The following CNTNAP2 variants were observed in gnomAD, a reference collection of about 807,000 sequenced individuals.
The protein encoded by CNTNAP2 is contactin-associated protein-like 2.
In CNTNAP2, 98 loss-of-function variants were observed where a neutral mutation model predicts 155.2. That is an observed-to-expected ratio of 0.63 (90% confidence interval 0.54 to 0.75). The LOEUF (loss-of-function observed/expected upper bound fraction) is 0.75, where lower values mean the gene tolerates loss of function less well. CNTNAP2 is among the 30% of genes least tolerant of loss of function. The pLI is 0.00. For synonymous variants in CNTNAP2, 651 were observed against 631.2 expected (o/e 1.03, Z -0.47); for missense variants, 1,727 against 1,688.1 (o/e 1.02, Z -0.40).
Position 146,611,131 on chromosome 7 carries a change from G to T in CNTNAP2, c.98-163140G>T, listed in dbSNP as rs1370137298. 3.9e-5 allele frequency among the ~76,000 whole-genome samples: 6 copies of T among 152,242 alleles called. No individual in the cohort carries two copies. In the East Asian group the frequency reaches 1.2e-3, roughly 29 times the overall value. Reference sequence around the variant, plus strand: ...TTTACTTATTTCATTTTTGAGATAAGGCCTCGCTCTGTCGCCAAGGCTGGG... The same window carrying T: ...TTTACTTATTTCATTTTTGAGATAATGCCTCGCTCTGTCGCCAAGGCTGGG... On this transcript the variant is annotated intron_variant, in intron 1 of 23. Transcript: ENST00000361727.
At chr7:147,681,476 A>C (rs1245050177) in intron 13 of CNTNAP2, among the ~76,000 whole-genome samples, 1 of 151,864 alleles carries the variant, frequency 6.6e-6, no homozygotes, top group Admixed American at 6.6e-5. Context: ...TTGGTCTAGG[A>C]GAAAAGTTTT....
chr7:147,714,574 T>A (rs139268246), intron 13 of CNTNAP2, among the ~76,000 whole-genome samples: 2,508 of 152,212 alleles, frequency 0.016, 225 homozygotes, highest in Admixed American at 0.15. Context: ...GGAGTTTTTT[T>A]GAGTGAATAA....
chr7:147,364,943 T>A (rs1408999192), intron 9 of CNTNAP2, among the ~76,000 whole-genome samples: 2 of 151,978 alleles, frequency 1.3e-5, no homozygotes, highest in Non-Finnish European at 2.9e-5. Context: ...GAACAAAGAG[T>A]TTATAAAAGA....
intron 4 of CNTNAP2, among the ~76,000 whole-genome samples, chr7:147,051,286 T>G (rs1799469644): frequency 6.6e-6 from 1 of 151,600 alleles, no homozygotes; most frequent in Admixed American, 6.6e-5. Flanking sequence ...TGTGTGTTCC[T>G]ACTTAAATTA....
At chr7:146,735,918 A>G (rs1199175892) in intron 1 of CNTNAP2, among the ~76,000 whole-genome samples, 1 of 152,142 alleles carries the variant, frequency 6.6e-6, no homozygotes, top group African/African-American at 2.4e-5. Context: ...AACGTTCCCA[A>G]CATTAAGAGA....
intron 3 of CNTNAP2, among the ~76,000 whole-genome samples, chr7:147,033,603 T>C (rs953022592): frequency 1.2e-4 from 19 of 152,014 alleles, no homozygotes; most frequent in African/African-American, 1.7e-4. Context: ...GAAATGTAGA[T>C]AGATGGGAAT....
intron 18 of CNTNAP2, among the ~76,000 whole-genome samples, chr7:148,185,966 A>C (rs573148512): frequency 1.3e-5 from 2 of 152,338 alleles, no homozygotes; most frequent in South Asian, 4.1e-4. Context: ...TATGACAAAC[A>C]CTTAATAACT....
chr7:148,054,201 T>A (rs1156871164), intron 15 of CNTNAP2, among the ~76,000 whole-genome samples: 1 of 152,144 alleles, frequency 6.6e-6, no homozygotes, highest in African/African-American at 2.4e-5. Flanking sequence ...CTTGATCTCC[T>A]GACCTCGTGA....
Position 147,486,136 on chromosome 7 carries a change from A to T in CNTNAP2, c.1777+95A>T, listed in dbSNP as rs1210844961. ...AAGCTCAGCAACCTGAATAATCCAC[A>T]TAATACATCACTCGAATCTGAAAAA... On this transcript the variant is annotated intron_variant, in intron 11 of 23. Coordinates refer to ENST00000361727, the MANE Select transcript of CNTNAP2 (RefSeq NM_014141.6). 4.3e-6 allele frequency: 4 copies of T among 934,036 alleles called. No individual in the cohort carries two copies. In the African/African-American group the frequency reaches 4.9e-5, roughly 12 times the overall value. 57.9% of individuals were successfully genotyped at this position (934,036 alleles called of 1,614,324 possible). A position where few individuals can be genotyped will look rare whatever the true frequency, so the allele number is the denominator to read the frequency against.
intron 1 of CNTNAP2, among the ~76,000 whole-genome samples, chr7:146,671,820 A>AT (rs201076047): frequency 0.022 from 1,581 of 73,252 alleles, 10 homozygotes; most frequent in Middle Eastern, 0.039. Context: ...TTTTGTTTTT[A>AT]TTTTTATTTT....
At chr7:146,446,303 C>A (rs1434454541) in intron 1 of CNTNAP2, among the ~76,000 whole-genome samples, 1 of 152,118 alleles carries the variant, frequency 6.6e-6, no homozygotes, top group Non-Finnish European at 1.5e-5. Flanking sequence ...AAGGACTAAA[C>A]CAATTTAGAG....
intron 1 of CNTNAP2, among the ~76,000 whole-genome samples, chr7:146,542,376 A>G (rs930695694): frequency 6.6e-6 from 1 of 151,952 alleles, no homozygotes; most frequent in African/African-American, 2.4e-5. Context: ...ATCTAAGAAT[A>G]TACTCTTTAA....
chr7:148,255,420 T>C (rs146246078), intron 20 of CNTNAP2, among the ~76,000 whole-genome samples: 7 of 152,370 alleles, frequency 4.6e-5, no homozygotes, highest in African/African-American at 1.4e-4. Context: ...AACTTATTGA[T>C]AGAAAATCCG....
chr7:147,610,885 C>A (rs1272234198), intron 12 of CNTNAP2, among the ~76,000 whole-genome samples: 1 of 151,982 alleles, frequency 6.6e-6, no homozygotes, highest in Non-Finnish European at 1.5e-5. Flanking sequence ...ATCACAGGTG[C>A]ACGTCATCAT....
At chr7:148,064,367 A>G (rs1445010073) in intron 15 of CNTNAP2, among the ~76,000 whole-genome samples, 2 of 152,066 alleles carry the variant, frequency 1.3e-5, no homozygotes, top group Non-Finnish European at 2.9e-5. Context: ...CAAGGATGAG[A>G]TGTGTTTCCA....
rs780168130 is a variant in CNTNAP2, at chr7:146,904,599, G to C, written c.402+64695G>C. Among the ~76,000 whole-genome samples, 107 of 152,232 alleles carry C rather than the reference G, an allele frequency of 7.0e-4. 1 individual carries two copies. The highest frequency in any genetic ancestry group is 1.2e-3 in the Non-Finnish European group (85 of 68,020). On this transcript the variant is annotated intron_variant, in intron 3 of 23. Coordinates refer to ENST00000361727, the MANE Select transcript of CNTNAP2 (RefSeq NM_014141.6). ...CCATTCTCCTGCCTCAGCCTCCTGA[G>C]TAGCTGGGACTACAGGCACCCGCCA...
At chr7:146,864,305 T>TA (rs1795160643) in intron 3 of CNTNAP2, among the ~76,000 whole-genome samples, 1 of 152,086 alleles carries the variant, frequency 6.6e-6, no homozygotes, top group African/African-American at 2.4e-5. Context: ...TTCAATATTT[T>TA]AAAAAATCAG....
At chr7:148,216,545 G>A (rs1202790079) in intron 18 of CNTNAP2, among the ~76,000 whole-genome samples, 2 of 152,152 alleles carry the variant, frequency 1.3e-5, no homozygotes, top group Admixed American at 6.5e-5. Flanking sequence ...GCCCCTATGG[G>A]TTCCCTGTAC....
intron 13 of CNTNAP2, among the ~76,000 whole-genome samples, chr7:147,850,296 G>C (rs1798908609): frequency 6.6e-6 from 1 of 152,196 alleles, no homozygotes; most frequent in African/African-American, 2.4e-5. Flanking sequence ...AACATTCCAT[G>C]CTCATGGATA....
Sources: allele counts gnomAD v4.1 joint callset (sites outside exome capture counted in the v4.1 genomes callset), GRCh38; gene constraint gnomAD v4.1.1; transcripts MANE v1.5; gene names NCBI Gene and HGNC (gene_info 2026-07-23, HGNC 2026-07-21).